TMEM204: variants seen among roughly 807,000 people sequenced by gnomAD.
TMEM204 encodes the protein transmembrane protein 204.
A neutral mutation model predicts 19.4 loss-of-function variants in TMEM204; 15 were observed. The observed-to-expected ratio is 0.77, with a 90% confidence interval of 0.52 to 1.19. The LOEUF (loss-of-function observed/expected upper bound fraction) is 1.19. Among genes scored for constraint, TMEM204 ranks in the 50% most tolerant of loss-of-function variants. The pLI is 0.00. For missense variants in TMEM204, 287 were observed against 321.2 expected (o/e 0.89, Z 0.81); for synonymous variants, 161 against 146.0 (o/e 1.10, Z -0.74).
chr16:1,535,712 G>C (rs1020803183), intron 1 of TMEM204, among the ~76,000 whole-genome samples: 1 of 152,208 alleles, frequency 6.6e-6, no homozygotes, highest in Non-Finnish European at 1.5e-5. Context: ...GCTTGGACAA[G>C]GTCCCACGAG....
intron 1 of TMEM204, among the ~76,000 whole-genome samples, chr16:1,540,420 G>A (rs946351460): frequency 5.9e-5 from 9 of 152,194 alleles, no homozygotes; most frequent in East Asian, 1.9e-4. Context: ...TGCCTGCCCC[G>A]TGCACGCGTG....
intron 2 of TMEM204, among the ~76,000 whole-genome samples, chr16:1,547,224 G>A (rs1005287443): frequency 6.6e-6 from 1 of 152,084 alleles, no homozygotes; most frequent in Non-Finnish European, 1.5e-5. Context: ...ACATGACATC[G>A]GGGCACCAGA....
rs1466459159 is a variant in TMEM204, at chr16:1,541,816, C to T, written c.281-105C>T. 5.1e-6 allele frequency: 7 copies of T among 1,375,952 alleles called. No individual in the cohort carries two copies. In the East Asian group the frequency reaches 1.3e-4, roughly 25 times the overall value. The allele number at this position is 1,375,952 out of a possible 1,614,324, so 85.2% of individuals were successfully genotyped here. A position where few individuals can be genotyped will look rare whatever the true frequency, so the allele number is the denominator to read the frequency against. On this transcript the variant is annotated intron_variant, in intron 1 of 2. Transcript: ENST00000566264. ...CCAATGGAGGCACAGCCTGTGCCGA[C>T]CGCCCTTTCCGAGGCAAACAGAGAC...
chr16:1,544,001 C>T (rs1375639064), intron 2 of TMEM204, among the ~76,000 whole-genome samples: 4 of 151,574 alleles, frequency 2.6e-5, no homozygotes, highest in Non-Finnish European at 5.9e-5. Context: ...TAAGATAACC[C>T]AATGGATCAC....
In TMEM204 at chr16:1,534,170, TG is replaced by T; in HGVS notation, c.-104del. ...CCGCCCGCGCCGCCCCGAGGATGAG[TG>T]GTGATGTCCTCTAGCCACCCCTAGC... On this transcript the variant is annotated 5_prime_UTR_variant, in exon 1 of 3. The change abolishes the stop of an existing upstream ORF in the 5' untranslated region. Coordinates refer to ENST00000566264, the MANE Select transcript of TMEM204 (RefSeq NM_024600.6). The T allele has an allele frequency of 6.9e-7, 1 of 1,444,476 alleles. No individual in the cohort carries two copies. Among genetic ancestry groups the T allele is most frequent in the Non-Finnish European group, 9.3e-7 (1 of 1,077,436 alleles). 89.5% of individuals were successfully genotyped at this position (1,444,476 alleles called of 1,614,324 possible). A position where few individuals can be genotyped will look rare whatever the true frequency, so the allele number is the denominator to read the frequency against.
Position 1,534,374 on chromosome 16 carries a change from G to C in TMEM204, c.99G>C (p.Gln33His). Residue 33 changes from glutamine (Q) to histidine (H), a missense_variant, in exon 1 of 3, where the codon CAG becomes CAC. Gln to His is a conservative substitution (Grantham distance 24, BLOSUM62 0). Coordinates refer to ENST00000566264, the MANE Select transcript of TMEM204 (RefSeq NM_024600.6). ...CCTTCACCTCCAACTGGGTGTGCCA[G>C]ACGCTGGAGGATGGGCGCAGGCGCA... is the stretch of plus-strand genomic sequence containing the variant. ...VAAFTSNWVC[Q>H]TLEDGRRRSV... 1 of 1,612,884 alleles carries C rather than the reference G, an allele frequency of 6.2e-7. No homozygotes were observed. The highest frequency in any genetic ancestry group is 1.3e-5 in the African/African-American group (1 of 75,066).
At chr16:1,549,000 G>A (rs1212862849) in intron 2 of TMEM204, among the ~76,000 whole-genome samples, 4 of 152,324 alleles carry the variant, frequency 2.6e-5, no homozygotes, top group East Asian at 1.9e-4. Context: ...ACCGTCCTCC[G>A]CAGGAGCCAC....
chr16:1,554,963 C>G lies in TMEM204; in HGVS notation c.618C>G (p.Ser206Arg). 5.0e-6 allele frequency: 8 copies of G among 1,614,030 alleles called. No homozygotes were observed. The highest frequency in any genetic ancestry group is 6.8e-6 in the Non-Finnish European group (8 of 1,180,018). The change falls in exon 3 of 3, where the codon AGC becomes AGG. Residue 206 changes from serine to arginine, a missense_variant. Ser to Arg is a moderately radical substitution (Grantham distance 110, BLOSUM62 -1). Transcript: ENST00000566264. Reference sequence around the variant, plus strand: ...TGGCCCCCCGGGTGATTGTCATCAGCCGCTCCCTGACAGCGCGCTTTCGCC... The same window carrying G: ...TGGCCCCCCGGGTGATTGTCATCAGGCGCTCCCTGACAGCGCGCTTTCGCC... ...DCMAPRVIVI[S>R]RSLTARFRRG...
At chr16:1,537,453 G>A (rs2031191013) in intron 1 of TMEM204, among the ~76,000 whole-genome samples, 1 of 152,264 alleles carries the variant, frequency 6.6e-6, no homozygotes, top group African/African-American at 2.4e-5. Context: ...CCTGAACTCT[G>A]GTCAGGGCAA....
chr16:1,537,036 T>C (rs1275908576), intron 1 of TMEM204, among the ~76,000 whole-genome samples: 13 of 152,206 alleles, frequency 8.5e-5, no homozygotes, highest in Admixed American at 8.5e-4. Context: ...TCCAGCCAGC[T>C]CCTAGCGTCT....
rs530458420 is a variant in TMEM204, at chr16:1,549,498, G to A, written c.437-5284G>A. 7.2e-5 allele frequency among the ~76,000 whole-genome samples: 11 copies of A among 152,234 alleles called. No homozygotes were observed. In the South Asian group the frequency reaches 1.9e-3, roughly 26 times the overall value. ...CTGGAGGGCAATGGCGTGCAATCTCGGCTCACCGCCGCAAGCTCTGCCTCC... is the reference window on the plus strand; with the variant it reads ...CTGGAGGGCAATGGCGTGCAATCTCAGCTCACCGCCGCAAGCTCTGCCTCC... On this transcript the variant is annotated intron_variant, in intron 2 of 2. Transcript: ENST00000566264.
intron 2 of TMEM204, among the ~76,000 whole-genome samples, chr16:1,546,789 C>T (rs893356997): frequency 1.1e-4 from 17 of 152,230 alleles, no homozygotes; most frequent in East Asian, 1.9e-4. Flanking sequence ...GAACACTTTT[C>T]GGTGGTTTGA....
chr16:1,553,972 C>G lies in TMEM204; in HGVS notation c.437-810C>G. 2 of 1,287,228 alleles carry G rather than the reference C, an allele frequency of 1.6e-6. No individual in the cohort carries two copies. Among genetic ancestry groups the G allele is most frequent in the Non-Finnish European group, 2.0e-6 (2 of 988,674 alleles). 79.7% of individuals were successfully genotyped at this position (1,287,228 alleles called of 1,614,324 possible). The stretch of plus-strand genomic sequence containing the variant: ...GTGAAACTGTAGCATCAGCGACTAA[C>G]TAGACGGGAACAAGCTGCGCCAACC... On this transcript the variant is annotated intron_variant, in intron 2 of 2. Coordinates refer to ENST00000566264, the MANE Select transcript of TMEM204 (RefSeq NM_024600.6). The surrounding 1 kb of genome is among the most constrained non-coding windows in gnomAD (Gnocchi z 4.4).
At chr16:1,529,822 G>T (rs938154610), upstream of TMEM204, among the ~76,000 whole-genome samples, 5 of 152,202 alleles carry the variant, frequency 3.3e-5, no homozygotes, top group Admixed American at 2.0e-4. Flanking sequence ...TCAAGACTGG[G>T]GGTCCAGGGC....
intron 2 of TMEM204, among the ~76,000 whole-genome samples, chr16:1,547,278 A>G (rs112056876): frequency 0.023 from 3,577 of 152,254 alleles, 135 homozygotes; most frequent in African/African-American, 0.081. Flanking sequence ...GTCCGTCCCG[A>G]TGCCCCGTGA....
At chr16:1,537,831 C>T (rs941757466) in intron 1 of TMEM204, among the ~76,000 whole-genome samples, 1 of 152,204 alleles carries the variant, frequency 6.6e-6, no homozygotes, top group Non-Finnish European at 1.5e-5. Flanking sequence ...GGGAGCCCCA[C>T]CCCTCTCTCC....
At chr16:1,535,443 G>A (rs777033213) in intron 1 of TMEM204, among the ~76,000 whole-genome samples, 4 of 152,134 alleles carry the variant, frequency 2.6e-5, no homozygotes, top group South Asian at 2.1e-4. Flanking sequence ...GTTTTGACTC[G>A]CAGACACCCC....
intron 2 of TMEM204, chr16:1,554,254 A>C: frequency 1.8e-6 from 1 of 564,518 alleles, no homozygotes; most frequent in South Asian, 1.9e-5. Flanking sequence ...AACTGTCAGA[A>C]GCATAGCTCT....
intron 2 of TMEM204, among the ~76,000 whole-genome samples, chr16:1,542,460 G>T (rs980256976): frequency 1.3e-5 from 2 of 152,222 alleles, no homozygotes; most frequent in African/African-American, 2.4e-5. Flanking sequence ...CAGCTGGTGG[G>T]GAGCAGCCCC....
Sources: allele counts gnomAD v4.1 joint callset (sites outside exome capture counted in the v4.1 genomes callset), GRCh38; gene constraint gnomAD v4.1.1; non-coding constraint Gnocchi (gnomAD v3.1); transcripts MANE v1.5; gene names NCBI Gene and HGNC (gene_info 2026-07-23, HGNC 2026-07-21).